NDUFV3: variants seen among roughly 807,000 people sequenced by gnomAD.
The protein encoded by NDUFV3 is NADH dehydrogenase [ubiquinone] flavoprotein 3, mitochondrial.
NDUFV3 carries 44 observed loss-of-function variants against 37.5 expected under a neutral mutation model. The ratio of observed to expected loss-of-function variants is 1.17; its 90% CI spans 0.92 to 1.51. The LOEUF is 1.51. Ranked by LOEUF, NDUFV3 falls within the 40% of genes most tolerant of loss-of-function variation. The pLI, the probability that NDUFV3 is intolerant of heterozygous loss-of-function variation, is 0.00. For missense variants in NDUFV3, 580 were observed against 580.4 expected, an observed-to-expected ratio of 1.00 and a Z score of 0.01; for synonymous variants, 235 against 239.3, an observed-to-expected ratio of 0.98 and a Z score of 0.17.
At chr21:42,899,936 G>T (rs899084138) in intron 2 of NDUFV3, among the ~76,000 whole-genome samples, 1 of 152,164 alleles carries the variant, frequency 6.6e-6, no homozygotes, top group African/African-American at 2.4e-5. Context: ...GGGGGTTCAC[G>T]CCTATAATCC....
At position 42,903,990 on chromosome 21, in the gene NDUFV3, T is replaced by TC; in HGVS notation, c.980dup (p.Gly328TrpfsTer59). 1 of 1,614,020 alleles carries TC rather than the reference T, an allele frequency of 6.2e-7. No homozygotes were observed. Among genetic ancestry groups the TC allele is most frequent in the South Asian group, 1.1e-5 (1 of 91,076 alleles). ...CAGAGGGGCAGCTGCAAGCCAGTCC[T>TC]CCTGGGGCGGCAGAGGGGCATCTGG... is the stretch of plus-strand genomic sequence containing the variant. On this transcript the variant is annotated frameshift_variant, in exon 3 of 4. Transcript: ENST00000354250. LOFTEE classifies it high-confidence loss of function.
intron 3 of NDUFV3, among the ~76,000 whole-genome samples, chr21:42,905,607 C>T (rs2058737726): frequency 6.6e-6 from 1 of 152,152 alleles, no homozygotes; most frequent in African/African-American, 2.4e-5. Flanking sequence ...CCTCCGCCTC[C>T]TGGGTTCAAG....
At chr21:42,907,637 G>C (rs2058747921) in intron 3 of NDUFV3, among the ~76,000 whole-genome samples, 1 of 152,052 alleles carries the variant, frequency 6.6e-6, no homozygotes, top group Non-Finnish European at 1.5e-5. Flanking sequence ...CTTTAGTGGA[G>C]ACAGGGTTTC....
In NDUFV3 at chr21:42,903,429, A is replaced by G. The variant is rs1351706642; in HGVS notation, c.417A>G (p.Ser139=). 3 of 1,614,124 alleles carry G rather than the reference A, an allele frequency of 1.9e-6. No homozygotes were observed. The highest frequency in any genetic ancestry group is 2.7e-5 in the African/African-American group (2 of 74,938). Residue 139 remains serine (S), a synonymous_variant, in exon 3 of 4, where the codon TCA becomes TCG. Coordinates refer to ENST00000354250, the MANE Select transcript of NDUFV3 (RefSeq NM_021075.4). ...LSPFRKQGSD[S]EARQVGRKVT... is the part of the protein sequence containing the mutation. ...CATTCAGAAAACAGGGCTCTGATTC[A>G]GAAGCTCGTCAGGTGGGTCGGAAAG...
intron 2 of NDUFV3, among the ~76,000 whole-genome samples, chr21:42,899,322 T>C (rs2058708714): frequency 1.8e-5 from 2 of 108,118 alleles, no homozygotes; most frequent in South Asian, 5.5e-4. Context: ...CAGGCTGGAG[T>C]GCAATGGCGT....
At position 42,912,391 on chromosome 21, in the gene NDUFV3, T is replaced by C. The variant is rs2058774195; in HGVS notation, c.*3370T>C. On this transcript the variant is annotated 3_prime_UTR_variant, in exon 4 of 4. Transcript: ENST00000354250. Reference sequence around the variant, plus strand: ...ATTTTGTAGCTATCACTGCAGATGATTTCTTGATAGTCCATCTGGTGGCAA... The same window carrying C: ...ATTTTGTAGCTATCACTGCAGATGACTTCTTGATAGTCCATCTGGTGGCAA... 6.6e-6 allele frequency: 1 copy of C among 152,262 alleles called. No homozygotes were observed. Among genetic ancestry groups the C allele is most frequent in the African/African-American group, 2.4e-5 (1 of 41,462 alleles). The allele number at this position is 152,262 out of a possible 1,614,324, so 9.4% of individuals were successfully genotyped here.
chr21:42,903,421 T>G lies in NDUFV3; in HGVS notation c.409T>G (p.Ser137Ala), dbSNP rs1054679681. 7 of 1,614,124 alleles carry G rather than the reference T, an allele frequency of 4.3e-6. No individual in the cohort carries two copies. Among genetic ancestry groups the G allele is most frequent in the Non-Finnish European group, 5.9e-6 (7 of 1,180,056 alleles). Residue 137 changes from serine (S) to alanine (A), a missense_variant, in exon 3 of 4, where the codon TCT (serine) becomes GCT (alanine). Physicochemically the swap from Ser to Ala is moderately conservative, Grantham distance 99. Coordinates refer to ENST00000354250, the MANE Select transcript of NDUFV3 (RefSeq NM_021075.4). Reference sequence around the variant, plus strand: ...TCTGTCTCCATTCAGAAAACAGGGCTCTGATTCAGAAGCTCGTCAGGTGGG... The same window carrying G: ...TCTGTCTCCATTCAGAAAACAGGGCGCTGATTCAGAAGCTCGTCAGGTGGG... The part of the protein sequence containing the change: ...KVLSPFRKQG[S>A]DSEARQVGRK...
In NDUFV3 at chr21:42,893,315, T is replaced by C; in HGVS notation, c.-19T>C. The C allele has an allele frequency of 6.5e-7, 1 of 1,537,318 alleles. No homozygotes were observed. The highest frequency in any genetic ancestry group is 1.2e-5 in the South Asian group (1 of 83,934). ...GCGCAGCTGCTGTGGCCCTGCTTGGTGCGCCCGCTGTCACCGCCATGGCTG... is the reference window on the plus strand; with the variant it reads ...GCGCAGCTGCTGTGGCCCTGCTTGGCGCGCCCGCTGTCACCGCCATGGCTG... On this transcript the variant is annotated 5_prime_UTR_variant, in exon 1 of 4. Coordinates refer to ENST00000354250, the MANE Select transcript of NDUFV3 (RefSeq NM_021075.4).
At chr21:42,896,844 AATAT>A in intron 1 of NDUFV3, 79 bp from the exon 2 acceptor site, 1 of 1,325,758 alleles carries the variant, frequency 7.5e-7, no homozygotes, top group Non-Finnish European at 1.0e-6. Flanking sequence ...TGACTCAAAA[AATAT>A]ATATATATAT....
Position 42,903,603 on chromosome 21 carries a change from A to G in NDUFV3, c.591A>G (p.Arg197=), listed in dbSNP as rs767145463. 2.5e-6 allele frequency: 4 copies of G among 1,613,818 alleles called. No homozygotes were observed. The Admixed American group carries it at 5.0e-5, about 20-fold the overall frequency. The change falls in exon 3 of 4, where the codon AGA becomes AGG. Residue 197 remains arginine, a synonymous_variant. Coordinates refer to ENST00000354250, the MANE Select transcript of NDUFV3 (RefSeq NM_021075.4). The part of the protein sequence containing the change: ...KPEASHSFEN[R]APRVTVSAKE... ...AGGCCTCTCATTCCTTTGAAAACAG[A>G]GCCCCCCGAGTTACAGTATCAGCAA...
At chr21:42,905,234 G>A (rs143441702) in intron 3 of NDUFV3, among the ~76,000 whole-genome samples, 3 of 152,322 alleles carry the variant, frequency 2.0e-5, no homozygotes, top group East Asian at 1.9e-4. Context: ...GGGGCATCTC[G>A]CTAAGTGAAA....
At chr21:42,896,517 A>G (rs1301136862) in intron 1 of NDUFV3, among the ~76,000 whole-genome samples, 1 of 151,786 alleles carries the variant, frequency 6.6e-6, no homozygotes, top group East Asian at 1.9e-4. Flanking sequence ...ACCTCAAGTG[A>G]TCCGCCCACC....
At chr21:42,908,391 T>C (rs1249301208) in intron 3 of NDUFV3, among the ~76,000 whole-genome samples, 1 of 152,248 alleles carries the variant, frequency 6.6e-6, no homozygotes, top group East Asian at 1.9e-4. Flanking sequence ...AAGTAATATC[T>C]TTCTTTTTCT....
At chr21:42,894,656 T>C (rs945628014) in intron 1 of NDUFV3, among the ~76,000 whole-genome samples, 3 of 144,542 alleles carry the variant, frequency 2.1e-5, no homozygotes, top group Admixed American at 7.5e-5. Context: ...CCCCCTGGGA[T>C]TAAGCGACTC....
intron 1 of NDUFV3, 113 bp downstream of exon 1, chr21:42,893,494 C>G (rs981753421): frequency 7.2e-6 from 9 of 1,244,480 alleles, no homozygotes; most frequent in Admixed American, 2.1e-5. Context: ...TCTAGCCGTC[C>G]TAGTTGGGCC....
intron 1 of NDUFV3, among the ~76,000 whole-genome samples, chr21:42,894,602 A>G (rs1263870693): frequency 7.5e-6 from 1 of 133,154 alleles, no homozygotes; most frequent in Non-Finnish European, 1.5e-5. Context: ...GCCCAGGCCC[A>G]GGCTGGAGTG....
At chr21:42,907,757 A>G (rs1317360793) in intron 3 of NDUFV3, among the ~76,000 whole-genome samples, 10 of 151,498 alleles carry the variant, frequency 6.6e-5, no homozygotes, top group Admixed American at 6.6e-4. Context: ...GGCCCCTGCT[A>G]ATTTTTTATT....
chr21:42,894,366 A>AT (rs1487264462), intron 1 of NDUFV3, among the ~76,000 whole-genome samples: 11 of 39,828 alleles, frequency 2.8e-4, no homozygotes, highest in African/African-American at 2.3e-3. Flanking sequence ...TATATTATAT[A>AT]TATATTTATA....
At chr21:42,900,282 A>G (rs1163730759) in intron 2 of NDUFV3, among the ~76,000 whole-genome samples, 1 of 152,146 alleles carries the variant, frequency 6.6e-6, no homozygotes, top group Non-Finnish European at 1.5e-5. Context: ...CGGGCCGATC[A>G]CTTGAGGTCA....
Sources: gnomAD v4.1 joint callset for allele counts (sites outside exome capture counted in the v4.1 genomes callset) on GRCh38, gnomAD v4.1.1 for gene constraint, MANE v1.5 for transcripts, NCBI Gene and HGNC (gene_info 2026-07-23, HGNC 2026-07-21) for gene names.